EXOC6B: variants seen among roughly 807,000 people sequenced by gnomAD.
EXOC6B encodes exocyst complex component 6B, also known as SEC15 homolog B.
EXOC6B carries 54 observed loss-of-function variants against 113.5 expected under a neutral mutation model. That is an observed-to-expected ratio of 0.48 (90% confidence interval 0.38 to 0.60). The LOEUF (loss-of-function observed/expected upper bound fraction) is 0.60, where lower values mean the gene tolerates loss of function less well. Ranked by LOEUF, EXOC6B falls within the 20% of genes least tolerant of loss-of-function variation. The pLI, the probability that EXOC6B is intolerant of heterozygous loss-of-function variation, is 0.00. For synonymous variants in EXOC6B, 357 were observed against 339.0 expected, an observed-to-expected ratio of 1.05 and a Z score of -0.58; for missense variants, 797 against 977.5, an observed-to-expected ratio of 0.82 and a Z score of 2.46.
intron 21 of EXOC6B, among the ~76,000 whole-genome samples, chr2:72,182,193 T>C (rs892221966): frequency 6.6e-6 from 1 of 152,148 alleles, no homozygotes; most frequent in Non-Finnish European, 1.5e-5. Context: ...GCTAAGCACA[T>C]AGTTTCTTTA....
At position 72,303,745 on chromosome 2, in the gene EXOC6B, G is replaced by A. The variant is rs570956143; in HGVS notation, c.2196+31202C>T. On this transcript the variant is annotated intron_variant, in intron 20 of 21. Transcript: ENST00000272427. ...TGGAGAAGTAGTGTAATCATTTGAA[G>A]GACATAAGACATTCTGGTCATTTGT... 9.2e-5 allele frequency among the ~76,000 whole-genome samples: 14 copies of A among 152,284 alleles called. No homozygotes were observed. In the South Asian group the frequency reaches 1.0e-3, roughly 11 times the overall value.
intron 1 of EXOC6B, among the ~76,000 whole-genome samples, chr2:72,764,942 C>G (rs1465587447): frequency 1.3e-5 from 2 of 152,124 alleles, no homozygotes; most frequent in African/African-American, 4.8e-5. Flanking sequence ...ATTCTCCTTT[C>G]TCCTGCTCCA....
At chr2:72,781,272 A>C (rs372412288) in intron 1 of EXOC6B, among the ~76,000 whole-genome samples, 1 of 152,178 alleles carries the variant, frequency 6.6e-6, no homozygotes. Context: ...TTTTAATCCT[A>C]TAAACAGTCT....
chr2:72,356,568 C>A lies in EXOC6B; in HGVS notation c.2123-21548G>T, dbSNP rs368657329. Among the ~76,000 whole-genome samples the A allele has an allele frequency of 1.1e-4, 16 of 152,250 alleles. No individual in the cohort carries two copies. The South Asian group carries it at 3.3e-3, about 32-fold the overall frequency. On this transcript the variant is annotated intron_variant, in intron 19 of 21. Coordinates refer to ENST00000272427, the MANE Select transcript of EXOC6B (RefSeq NM_015189.3). ...TCAAACAAAAAAACAAACTAACTAA[C>A]TAACATTACCCCAAAGTAAACAGTA...
chr2:72,505,041 G>A (rs1168113027), intron 11 of EXOC6B, among the ~76,000 whole-genome samples: 1 of 151,836 alleles, frequency 6.6e-6, no homozygotes, highest in Non-Finnish European at 1.5e-5. Flanking sequence ...TCACTAAGTG[G>A]CATATTTTCC....
At chr2:72,714,766 A>G (rs1394066293) in intron 6 of EXOC6B, among the ~76,000 whole-genome samples, 2 of 152,228 alleles carry the variant, frequency 1.3e-5, no homozygotes, top group African/African-American at 4.8e-5. Context: ...CTGAGAAAGA[A>G]GCATGAAGCA....
chr2:72,269,948 A>G (rs982399833), intron 20 of EXOC6B, among the ~76,000 whole-genome samples: 1 of 152,142 alleles, frequency 6.6e-6, no homozygotes, highest in African/African-American at 2.4e-5. Flanking sequence ...TATGAAGAAT[A>G]TGGCACATTC....
intron 19 of EXOC6B, among the ~76,000 whole-genome samples, chr2:72,356,064 T>C (rs1689959055): frequency 6.6e-6 from 1 of 152,218 alleles, no homozygotes; most frequent in Admixed American, 6.5e-5. Context: ...ACATTTAAAA[T>C]GTTTTATAAG....
chr2:72,496,481 G>A lies in EXOC6B; in HGVS notation c.1416C>T (p.Phe472=), dbSNP rs374459655. 12 of 1,598,330 alleles carry A rather than the reference G, an allele frequency of 7.5e-6. No individual in the cohort carries two copies. The African/African-American group carries it at 1.6e-4, about 21-fold the overall frequency. ...EEMYKKVVGQ[F]PFQDIELEKQ... is the part of the protein sequence containing the mutation. ...TTTCCAGTTCTATATCTTGAAATGG[G>A]AATTGTCCTACCACCTTTTTGTACA... The change falls in exon 14 of 22, where the codon TTC becomes TTT. Residue 472 remains phenylalanine (F), a synonymous_variant. Transcript: ENST00000272427.
At chr2:72,541,989 C>G (rs1222821212) in intron 8 of EXOC6B, among the ~76,000 whole-genome samples, 2 of 152,148 alleles carry the variant, frequency 1.3e-5, no homozygotes, top group African/African-American at 4.8e-5. Context: ...CATTTTCACA[C>G]TGTAAAAAGT....
At chr2:72,472,573 T>C (rs1403827414) in intron 17 of EXOC6B, among the ~76,000 whole-genome samples, 1 of 152,152 alleles carries the variant, frequency 6.6e-6, no homozygotes, top group African/African-American at 2.4e-5. Context: ...TTTATAATTT[T>C]ATTTGAGTCT....
intron 18 of EXOC6B, among the ~76,000 whole-genome samples, chr2:72,450,605 C>A (rs1207773535): frequency 6.6e-6 from 1 of 152,104 alleles, no homozygotes; most frequent in Non-Finnish European, 1.5e-5. Context: ...TAATCAAAAG[C>A]AGATTAAAGT....
At chr2:72,557,748 C>A (rs569878804) in intron 8 of EXOC6B, among the ~76,000 whole-genome samples, 7 of 152,098 alleles carry the variant, frequency 4.6e-5, no homozygotes, top group African/African-American at 9.6e-5. Flanking sequence ...ATACAACAAA[C>A]CCCCGTGACA....
chr2:72,463,188 A>C (rs1697813265), intron 18 of EXOC6B: 1 of 152,074 alleles, frequency 6.6e-6, no homozygotes, highest in African/African-American at 2.4e-5. Context: ...GACTTGCTAA[A>C]ATTTTATTTA....
intron 20 of EXOC6B, among the ~76,000 whole-genome samples, chr2:72,325,351 T>C (rs930920998): frequency 1.3e-5 from 2 of 152,118 alleles, no homozygotes; most frequent in African/African-American, 2.4e-5. Flanking sequence ...ATTGTTCCCT[T>C]TGCAGATATG....
At chr2:72,461,245 T>C (rs1697643828) in intron 18 of EXOC6B, among the ~76,000 whole-genome samples, 1 of 143,488 alleles carries the variant, frequency 7.0e-6, no homozygotes, top group African/African-American at 2.6e-5. Flanking sequence ...CATTAGGAGA[T>C]ATACCTAATG....
At chr2:72,241,359 G>C (rs954808981) in intron 20 of EXOC6B, among the ~76,000 whole-genome samples, 9 of 152,150 alleles carry the variant, frequency 5.9e-5, no homozygotes, top group African/African-American at 1.9e-4. Flanking sequence ...AGGCAGAAAA[G>C]ATTTCTAAGA....
chr2:72,690,277 C>T (rs1364071715), intron 6 of EXOC6B, among the ~76,000 whole-genome samples: 1 of 152,104 alleles, frequency 6.6e-6, no homozygotes, highest in Admixed American at 6.6e-5. Context: ...ATGACTTTGG[C>T]CTTCTTTTCC....
intron 12 of EXOC6B, among the ~76,000 whole-genome samples, chr2:72,499,396 A>G (rs1436841998): frequency 6.6e-6 from 1 of 151,806 alleles, no homozygotes; most frequent in Non-Finnish European, 1.5e-5. Context: ...ACATCCGGCT[A>G]ATTTTTGCAT....
Sources: gnomAD v4.1 joint callset for allele counts (sites outside exome capture counted in the v4.1 genomes callset) on GRCh38, gnomAD v4.1.1 for gene constraint, MANE v1.5 for transcripts, NCBI Gene and HGNC (gene_info 2026-07-23, HGNC 2026-07-21) for gene names.